Variants in MTA3 observed in about 807,000 individuals in gnomAD.
MTA3 encodes the protein metastasis associated 1 family member 3.
MTA3 carries 34 observed loss-of-function variants against 83.5 expected under a neutral mutation model. The ratio of observed to expected loss-of-function variants is 0.41; its 90% CI spans 0.31 to 0.54. The LOEUF is 0.54. Among genes scored for constraint, MTA3 ranks in the 20% least tolerant of loss-of-function variants. MTA3 has a pLI of 0.33. For missense variants in MTA3, 761 were observed against 726.4 expected, an observed-to-expected ratio of 1.05 and a Z score of -0.55; for synonymous variants, 303 against 252.7, an observed-to-expected ratio of 1.20 and a Z score of -1.89.
At chr2:42,533,865 G>A (rs1323859959) in intron 2 of MTA3, among the ~76,000 whole-genome samples, 4 of 149,844 alleles carry the variant, frequency 2.7e-5, no homozygotes, top group African/African-American at 9.8e-5. Flanking sequence ...ATAAAGAAAC[G>A]AAAGAATGGC....
chr2:42,728,982 G>C (rs377611761), intron 16 of MTA3, among the ~76,000 whole-genome samples: 1 of 150,384 alleles, frequency 6.6e-6, no homozygotes, highest in Admixed American at 6.7e-5. Context: ...GTCTATTTTT[G>C]CTTTGGTTGC....
At chr2:42,711,709 A>G (rs1425260516) in intron 14 of MTA3, among the ~76,000 whole-genome samples, 2 of 151,532 alleles carry the variant, frequency 1.3e-5, no homozygotes, top group Non-Finnish European at 2.9e-5. Context: ...TGTTAGGGAG[A>G]TTAGGTATTA....
At chr2:42,607,279 A>C (rs1191907889) in intron 3 of MTA3, among the ~76,000 whole-genome samples, 2 of 152,186 alleles carry the variant, frequency 1.3e-5, no homozygotes, top group African/African-American at 2.4e-5. Context: ...GAAGTACCTT[A>C]AGCGTATGTG....
intron 2 of MTA3, among the ~76,000 whole-genome samples, chr2:42,537,872 T>A (rs1053120961): frequency 6.6e-6 from 1 of 152,032 alleles, no homozygotes. Context: ...TATGTTGAGG[T>A]GATAGGGGGT....
At chr2:42,628,697 A>G (rs887998060) in intron 4 of MTA3, among the ~76,000 whole-genome samples, 16 of 151,772 alleles carry the variant, frequency 1.1e-4, no homozygotes, top group African/African-American at 3.4e-4. Flanking sequence ...TAAAAATACC[A>G]TACAATTCTG....
chr2:42,656,640 A>G (rs1285767625), intron 7 of MTA3, among the ~76,000 whole-genome samples: 3 of 152,204 alleles, frequency 2.0e-5, no homozygotes, highest in Non-Finnish European at 4.4e-5. Context: ...TGGATTATTC[A>G]GGTATCAATA....
intron 2 of MTA3, among the ~76,000 whole-genome samples, chr2:42,548,908 C>T (rs1382326482): frequency 2.0e-5 from 2 of 100,004 alleles, no homozygotes; most frequent in Admixed American, 1.4e-4. Context: ...GGCACGGTGG[C>T]TCACGCCTGT....
At chr2:42,627,181 G>T (rs572176562) in intron 4 of MTA3, among the ~76,000 whole-genome samples, 1 of 151,902 alleles carries the variant, frequency 6.6e-6, no homozygotes, top group African/African-American at 2.4e-5. Flanking sequence ...GGGCTCAAGC[G>T]ATCCTCTCAC....
At chr2:42,691,492 T>C (rs1692896353) in intron 9 of MTA3, among the ~76,000 whole-genome samples, 1 of 152,202 alleles carries the variant, frequency 6.6e-6, no homozygotes, top group Non-Finnish European at 1.5e-5. Flanking sequence ...AAAGTTGTAG[T>C]TATTTTTTTT....
intron 16 of MTA3, among the ~76,000 whole-genome samples, chr2:42,749,682 G>A (rs898300940): frequency 6.6e-6 from 1 of 152,026 alleles, no homozygotes; most frequent in African/African-American, 2.4e-5. Context: ...TGGCCAGGCT[G>A]GTCTTGAACT....
Position 42,709,028 on chromosome 2 carries a change from C to T in MTA3, c.1457C>T (p.Thr486Ile). 6.2e-7 allele frequency: 1 copy of T among 1,613,994 alleles called. No homozygotes were observed. The change falls in exon 14 of 17, where the codon ACC becomes ATC. Residue 486 changes from threonine (T) to isoleucine (I), a missense_variant. Transcript: ENST00000405094. ...TKFARQVCKN[T>I]LRLRQAARRP... ...TTTGCTCGTCAGGTCTGCAAAAATA[C>T]CCTCCGGCTGCGGCAGGCAGCAAGA...
At chr2:42,721,484 C>T (rs1667404464) in intron 15 of MTA3, among the ~76,000 whole-genome samples, 1 of 152,070 alleles carries the variant, frequency 6.6e-6, no homozygotes, top group South Asian at 2.1e-4. Context: ...TGCACCACCA[C>T]ACTTGGCTAA....
intron 16 of MTA3, among the ~76,000 whole-genome samples, chr2:42,741,388 A>G (rs1669014504): frequency 6.6e-6 from 1 of 152,206 alleles, no homozygotes; most frequent in Non-Finnish European, 1.5e-5. Context: ...AACTTTTCCA[A>G]GTTGCATTCA....
Position 42,756,643 on chromosome 2 carries a change from C to T in MTA3, c.*3244C>T. 14 of 985,454 alleles carry T rather than the reference C, an allele frequency of 1.4e-5. No homozygotes were observed. Among genetic ancestry groups the T allele is most frequent in the Non-Finnish European group, 1.7e-5 (14 of 829,968 alleles). 61.0% of individuals were successfully genotyped at this position (985,454 alleles called of 1,614,324 possible). Reference sequence around the variant, plus strand: ...CGGCTTTGGGGAGGGAGGGGGAAGCCTTTATTCTTTACTGTTGTCCCTGTT... The same window carrying T: ...CGGCTTTGGGGAGGGAGGGGGAAGCTTTTATTCTTTACTGTTGTCCCTGTT... On this transcript the variant is annotated 3_prime_UTR_variant, in exon 17 of 17. Transcript: ENST00000405094.
At chr2:42,562,562 C>T (rs901763639) in intron 2 of MTA3, among the ~76,000 whole-genome samples, 7 of 152,204 alleles carry the variant, frequency 4.6e-5, no homozygotes, top group African/African-American at 1.7e-4. Context: ...GTTTCCCGGT[C>T]TGCCTTGGGC....
At chr2:42,577,091 T>TAAAAAAAAAAA (rs1173783991) in intron 2 of MTA3, among the ~76,000 whole-genome samples, 6 of 19,210 alleles carry the variant, frequency 3.1e-4, no homozygotes, top group African/African-American at 3.2e-4. Flanking sequence ...GTACTCCATC[T>TAAAAAAAAAAA]AAAAAAAAAA....
intron 4 of MTA3, 98 bp from the exon 5 acceptor site, chr2:42,640,075 T>C (rs1196306152): frequency 7.1e-6 from 6 of 843,430 alleles, no homozygotes; most frequent in Non-Finnish European, 1.1e-5. Context: ...GCCATGTAGT[T>C]TCTTAATACC....
At position 42,685,083 on chromosome 2, in the gene MTA3, C is replaced by T. The variant is rs113338198; in HGVS notation, c.891+2494C>T. Among the ~76,000 whole-genome samples the T allele has an allele frequency of 9.8e-5, 15 of 152,298 alleles. 1 individual carries two copies. The highest frequency in any genetic ancestry group is 3.4e-4 in the African/African-American group (14 of 41,550). On this transcript the variant is annotated intron_variant, in intron 9 of 16. Transcript: ENST00000405094. ...GGTAAACACTGAGGTGTGAAACTTA[C>T]AGCACTCCTAGGCACTTAACACAGG...
intron 2 of MTA3, among the ~76,000 whole-genome samples, chr2:42,521,545 C>T (rs539867549): frequency 6.6e-6 from 1 of 152,232 alleles, no homozygotes; most frequent in East Asian, 1.9e-4. Flanking sequence ...ATGGGCAACT[C>T]AAACTAGTTG....
Sources: allele counts gnomAD v4.1 joint callset (sites outside exome capture counted in the v4.1 genomes callset), GRCh38; gene constraint gnomAD v4.1.1; transcripts MANE v1.5; gene names NCBI Gene and HGNC (gene_info 2026-07-23, HGNC 2026-07-21).